EBPL: variants seen among roughly 807,000 people sequenced by gnomAD.
The protein encoded by EBPL is emopamil-binding protein-like.
Under a neutral mutation model 19.0 loss-of-function variants are expected in EBPL, and 20 were observed. That is an observed-to-expected ratio of 1.05 (90% CI 0.74 to 1.53). The LOEUF is 1.53. Among genes scored for constraint, EBPL ranks in the 40% most tolerant of loss-of-function variants. EBPL has a pLI of 0.00. For missense variants in EBPL, 219 were observed against 261.1 expected, an observed-to-expected ratio of 0.84 and a Z score of 1.11; for synonymous variants, 107 against 117.0, an observed-to-expected ratio of 0.91 and a Z score of 0.55.
At chr13:49,685,612 C>A (rs985809005) in intron 1 of EBPL, among the ~76,000 whole-genome samples, 10 of 152,138 alleles carry the variant, frequency 6.6e-5, no homozygotes, top group Non-Finnish European at 1.3e-4. Context: ...TGGTGGCTCA[C>A]GCCTGTAATC....
intron 1 of EBPL, among the ~76,000 whole-genome samples, chr13:49,680,667 CA>C (rs1404202863): frequency 1.3e-5 from 2 of 152,048 alleles, no homozygotes; most frequent in African/African-American, 4.8e-5. Flanking sequence ...ACTAAAAATA[CA>C]AAAATTAGCT....
At chr13:49,669,728 C>G (rs757499638) in intron 2 of EBPL, 49 bp downstream of exon 2, 1 of 1,531,766 alleles carries the variant, frequency 6.5e-7, no homozygotes, top group Non-Finnish European at 9.0e-7. Context: ...GTCACACTTG[C>G]AATAAACCTC....
intron 1 of EBPL, among the ~76,000 whole-genome samples, chr13:49,671,488 T>C (rs991909200): frequency 1.5e-4 from 23 of 152,234 alleles, no homozygotes; most frequent in African/African-American, 5.3e-4. Context: ...ATGAGAAAAA[T>C]AGCTGTGTTT....
chr13:49,690,975 C>G (rs1334356303), intron 1 of EBPL, among the ~76,000 whole-genome samples: 1 of 152,174 alleles, frequency 6.6e-6, no homozygotes, highest in Non-Finnish European at 1.5e-5. Context: ...GCCGAGGAAG[C>G]TGAGGTATCT....
At chr13:49,673,692 C>G (rs1953843486) in intron 1 of EBPL, among the ~76,000 whole-genome samples, 1 of 152,200 alleles carries the variant, frequency 6.6e-6, no homozygotes, top group African/African-American at 2.4e-5. Flanking sequence ...TCGCCTCAGC[C>G]TCCCCAAGTG....
intron 1 of EBPL, among the ~76,000 whole-genome samples, chr13:49,686,990 G>A (rs1206233687): frequency 6.6e-6 from 1 of 151,982 alleles, no homozygotes; most frequent in Non-Finnish European, 1.5e-5. Flanking sequence ...GCTTCACTAT[G>A]TTAGCAAGGC....
intron 1 of EBPL, among the ~76,000 whole-genome samples, chr13:49,678,518 G>A (rs543578355): frequency 4.7e-4 from 72 of 152,218 alleles, no homozygotes; most frequent in Non-Finnish European, 9.3e-4. Flanking sequence ...GCAGTGATGG[G>A]GAACCCAGCT....
At position 49,661,070 on chromosome 13, in the gene EBPL, G is replaced by A. The variant is rs185971851; in HGVS notation, c.519C>T (p.Asn173=). Residue 173 remains asparagine, a synonymous_variant, in exon 4 of 4, where the codon AAC becomes AAT. Coordinates refer to ENST00000242827, the MANE Select transcript of EBPL (RefSeq NM_032565.5). ...LYCWLYLFFF[N]GVWVLIPGLL... ...GTCCTGGGATCAGAACCCACACACC[G>A]TTAAAAAAAAACAGGTAAAGCCAAC... The A allele has an allele frequency of 8.1e-6, 13 of 1,613,944 alleles. No individual in the cohort carries two copies. In the African/African-American group the frequency reaches 1.1e-4, roughly 13 times the overall value.
chr13:49,678,295 G>A (rs1032217745), intron 1 of EBPL, among the ~76,000 whole-genome samples: 36 of 152,194 alleles, frequency 2.4e-4, no homozygotes, highest in African/African-American at 6.8e-4. Context: ...CACCAGGGCC[G>A]TGGGCAGAGC....
At chr13:49,681,972 T>C (rs1348751181) in intron 1 of EBPL, among the ~76,000 whole-genome samples, 1 of 152,192 alleles carries the variant, frequency 6.6e-6, no homozygotes, top group Non-Finnish European at 1.5e-5. Flanking sequence ...TCACAAAACC[T>C]CAGCCTAATC....
intron 3 of EBPL, chr13:49,661,920 C>G: frequency 6.4e-7 from 1 of 1,550,518 alleles, no homozygotes; most frequent in East Asian, 2.4e-5. Context: ...CCCCAGGCCA[C>G]TCTGTCCCTA....
intron 1 of EBPL, among the ~76,000 whole-genome samples, chr13:49,672,466 T>C (rs1953827875): frequency 6.6e-6 from 1 of 152,228 alleles, no homozygotes; most frequent in South Asian, 2.1e-4. Context: ...GCCAGTTCTC[T>C]GAGGGCCAAT....
intron 1 of EBPL, among the ~76,000 whole-genome samples, chr13:49,676,085 GA>G (rs1405896433): frequency 6.6e-6 from 1 of 152,180 alleles, no homozygotes; most frequent in Non-Finnish European, 1.5e-5. Flanking sequence ...TTAAAATGGA[GA>G]TATCATCACT....
At chr13:49,682,490 G>A (rs1953953007) in intron 1 of EBPL, among the ~76,000 whole-genome samples, 2 of 152,200 alleles carry the variant, frequency 1.3e-5, no homozygotes, top group African/African-American at 4.8e-5. Flanking sequence ...ACAGAGAAGA[G>A]AATTACATTT....
In EBPL at chr13:49,669,819, C is replaced by A; in HGVS notation, c.199G>T (p.Val67Leu). The A allele has an allele frequency of 2.5e-6, 4 of 1,614,056 alleles. No individual in the cohort carries two copies. The highest frequency in any genetic ancestry group is 3.4e-6 in the Non-Finnish European group (4 of 1,179,954). The part of the protein sequence containing the change: ...LEGPFVYLSL[V>L]GNVANSDGLI... ...CCATCGGAATTTGCAACGTTTCCTA[C>A]TAAAGACAAGTAGACAAAAGGGCCT... Residue 67 changes from valine (V) to leucine (L), a missense_variant, in exon 2 of 4, where the codon GTA becomes TTA. This residue lies in a region of EBPL where 170 missense variants were observed against 167.0 expected (regional missense o/e 1.02). Coordinates refer to ENST00000242827, the MANE Select transcript of EBPL (RefSeq NM_032565.5).
intron 2 of EBPL, among the ~76,000 whole-genome samples, chr13:49,666,529 G>A (rs2137486060): frequency 6.6e-6 from 1 of 152,062 alleles, no homozygotes; most frequent in East Asian, 1.9e-4. Context: ...TGGCTAACAT[G>A]GTGAAACCCT....
At chr13:49,672,125 A>G (rs1953823991) in intron 1 of EBPL, among the ~76,000 whole-genome samples, 1 of 152,208 alleles carries the variant, frequency 6.6e-6, no homozygotes, top group South Asian at 2.1e-4. Flanking sequence ...ATCACACATC[A>G]TTGGGATCTG....
At chr13:49,666,363 C>A (rs1235538081) in intron 2 of EBPL, among the ~76,000 whole-genome samples, 8 of 152,134 alleles carry the variant, frequency 5.3e-5, no homozygotes. Context: ...GGGAGACTTG[C>A]AGTTTGGCCA....
chr13:49,681,615 G>A (rs9568304), intron 1 of EBPL, among the ~76,000 whole-genome samples: 95,987 of 152,106 alleles, frequency 0.63, 32,043 homozygotes, highest in East Asian at 0.76. Context: ...TTTTAACAAC[G>A]TATTTTATAG....
Sources: gnomAD v4.1 joint callset for allele counts (sites outside exome capture counted in the v4.1 genomes callset) on GRCh38, gnomAD v4.1.1 for gene constraint, gnomAD v4.1.1 regional missense constraint, MANE v1.5 for transcripts, NCBI Gene and HGNC (gene_info 2026-07-23, HGNC 2026-07-21) for gene names.